DNAH12: variants seen among roughly 807,000 people sequenced by gnomAD.
The protein encoded by DNAH12 is dynein axonemal heavy chain 12.
In DNAH12, 285 loss-of-function variants were observed where a neutral mutation model predicts 371.5. The ratio of observed to expected loss-of-function variants is 0.77; its 90% CI spans 0.70 to 0.85. DNAH12 has a LOEUF of 0.85. Among genes scored for constraint, DNAH12 ranks in the 40% least tolerant of loss-of-function variants. The probability of loss-of-function intolerance (pLI) is 0.00; values close to 1 mark genes in which losing one functional copy is unlikely to be tolerated. For synonymous variants in DNAH12, 1,200 were observed against 1,213.0 expected, an observed-to-expected ratio of 0.99 and a Z score of 0.22; for missense variants, 3,611 against 3,689.4, an observed-to-expected ratio of 0.98 and a Z score of 0.55.
In DNAH12 at chr3:57,436,941, A is replaced by G; in HGVS notation, c.4655+10T>C. 2 of 1,395,946 alleles carry G rather than the reference A, an allele frequency of 1.4e-6. No individual in the cohort carries two copies. The highest frequency in any genetic ancestry group is 9.5e-7 in the Non-Finnish European group (1 of 1,048,618). The allele number at this position is 1,395,946 out of a possible 1,614,324, so 86.5% of individuals were successfully genotyped here. On this transcript the variant is annotated intron_variant, in intron 30 of 73. Transcript: ENST00000495027. ...AAATAACATCTAACTATAGCAATAT[A>G]TAATCTTACCCATGTCTAACAATCA...
intron 11 of DNAH12, among the ~76,000 whole-genome samples, chr3:57,494,634 A>G (rs2067247890): frequency 6.6e-6 from 1 of 152,178 alleles, no homozygotes; most frequent in South Asian, 2.1e-4. Context: ...CAGTGAAATT[A>G]GGCAAGAAAA....
chr3:57,349,347 G>A (rs1553659383), intron 60 of DNAH12, among the ~76,000 whole-genome samples: 1 of 152,146 alleles, frequency 6.6e-6, no homozygotes. Context: ...CGGTGAAAAG[G>A]GTACACTTTT....
At chr3:57,301,598 CAACT>C in intron 70 of DNAH12, 133 bp downstream of exon 70, 1 of 973,918 alleles carries the variant, frequency 1.0e-6, no homozygotes, top group Non-Finnish European at 1.5e-6. Context: ...CCACAGCCAA[CAACT>C]AATATCTCCC....
At chr3:57,371,328 T>C (rs1352476420) in intron 55 of DNAH12, among the ~76,000 whole-genome samples, 2 of 152,150 alleles carry the variant, frequency 1.3e-5, no homozygotes, top group African/African-American at 4.8e-5. Flanking sequence ...TCTTTTAACA[T>C]CTTAACATAT....
At chr3:57,470,132 T>C (rs1408406455) in intron 16 of DNAH12, among the ~76,000 whole-genome samples, 1 of 152,022 alleles carries the variant, frequency 6.6e-6, no homozygotes, top group African/African-American at 2.4e-5. Context: ...ATATTATATA[T>C]ATATATTTTT....
At chr3:57,422,785 A>C (rs1644697125) in intron 35 of DNAH12, among the ~76,000 whole-genome samples, 1 of 152,238 alleles carries the variant, frequency 6.6e-6, no homozygotes, top group Non-Finnish European at 1.5e-5. Flanking sequence ...CACTATTTGT[A>C]ATAGCAAAAG....
At chr3:57,456,525 T>G (rs923383436) in intron 22 of DNAH12, among the ~76,000 whole-genome samples, 2 of 152,222 alleles carry the variant, frequency 1.3e-5, no homozygotes, top group African/African-American at 4.8e-5. Context: ...GTTATCCTTC[T>G]TTCAAATTTA....
intron 60 of DNAH12, among the ~76,000 whole-genome samples, chr3:57,348,011 C>T (rs1324986825): frequency 6.6e-6 from 1 of 152,130 alleles, no homozygotes; most frequent in Non-Finnish European, 1.5e-5. Context: ...CTGTTGCACT[C>T]CTGGTACTTA....
intron 41 of DNAH12, 23 bp downstream of exon 41, chr3:57,405,630 A>G (rs1553680837): frequency 1.9e-6 from 3 of 1,542,730 alleles, no homozygotes; most frequent in East Asian, 2.5e-5. Context: ...TTAACTCAAT[A>G]TGTTCTTAAT....
At position 57,336,479 on chromosome 3, in the gene DNAH12, C is replaced by A. The variant is rs1014175960; in HGVS notation, c.9675-1539G>T. On this transcript the variant is annotated intron_variant, in intron 60 of 73. Coordinates refer to ENST00000495027, the MANE Select transcript of DNAH12 (RefSeq NM_001366028.2). ...AATCTGTTATAGGAATAGAAAAAAA[C>A]CTAAAGATAAAAATATAAAAATTGA... 4.0e-5 allele frequency among the ~76,000 whole-genome samples: 6 copies of A among 151,560 alleles called. No homozygotes were observed. The East Asian group carries it at 5.8e-4, about 15-fold the overall frequency.
At chr3:57,458,335 A>T (rs1436236016) in intron 20 of DNAH12, 115 bp from the exon 21 acceptor site, 3 of 1,272,100 alleles carry the variant, frequency 2.4e-6, no homozygotes, top group Non-Finnish European at 3.1e-6. Context: ...TTATGAAAAA[A>T]TGTCAAAGGT....
chr3:57,309,240 G>T lies in DNAH12; in HGVS notation c.11100C>A (p.Phe3700Leu), dbSNP rs532300604. The T allele has an allele frequency of 1.9e-6, 3 of 1,548,220 alleles. No homozygotes were observed. In the South Asian group the frequency reaches 3.6e-5, roughly 19 times the overall value. Residue 3700 changes from phenylalanine to leucine, a missense_variant, in exon 69 of 74, where the codon TTC becomes TTA. By Grantham distance (22) the Phe-to-Leu change is conservative. Coordinates refer to ENST00000495027, the MANE Select transcript of DNAH12 (RefSeq NM_001366028.2). ...ACTTCCGTAGTGCCATTTCAATGTCGAAATCACTAGGGAGCTAAAAGAATA... is the reference window on the plus strand; with the variant it reads ...ACTTCCGTAGTGCCATTTCAATGTCTAAATCACTAGGGAGCTAAAAGAATA... Reference protein sequence around the residue: ...KDILNKLPSDFDIEMALRKYP... With the variant: ...KDILNKLPSDLDIEMALRKYP...
chr3:57,424,817 G>C (rs1470290328), intron 35 of DNAH12, among the ~76,000 whole-genome samples: 2 of 150,958 alleles, frequency 1.3e-5, no homozygotes, highest in South Asian at 4.2e-4. Flanking sequence ...AGATAGTTTT[G>C]GTTCCTTGTG....
chr3:57,337,674 A>G (rs1347186140), intron 60 of DNAH12, among the ~76,000 whole-genome samples: 2 of 152,004 alleles, frequency 1.3e-5, no homozygotes, highest in South Asian at 2.1e-4. Context: ...AAATATATAT[A>G]TGTGTGTATA....
chr3:57,315,861 AAGAAGGCTCCTGTTGCATCAG>A (rs2061673921), intron 65 of DNAH12, among the ~76,000 whole-genome samples: 1 of 152,188 alleles, frequency 6.6e-6, no homozygotes, highest in African/African-American at 2.4e-5. Flanking sequence ...TCTACAGGCG[AAGAAGGCTCCTGTTGCATCAG>A]AGAAATCTCG....
intron 10 of DNAH12, among the ~76,000 whole-genome samples, chr3:57,501,832 T>C (rs1398408405): frequency 1.3e-5 from 2 of 152,192 alleles, no homozygotes; most frequent in Non-Finnish European, 2.9e-5. Context: ...ATTTCTTCTC[T>C]CTGCCTTTGA....
At chr3:57,415,210 A>G (rs1246789877) in intron 38 of DNAH12, among the ~76,000 whole-genome samples, 1 of 152,068 alleles carries the variant, frequency 6.6e-6, no homozygotes, top group African/African-American at 2.4e-5. Context: ...CAGGCTTAAA[A>G]AAAAAACAGG....
rs2063093406 is a variant in DNAH12, at chr3:57,368,265, A to G, written c.8760-5T>C. On this transcript the variant is annotated splice_region_variant and splice_polypyrimidine_tract_variant and intron_variant, in intron 55 of 73. Transcript: ENST00000495027. ...TGGGGGTCAATCATTAAAGGCCTAGAATATAATAAGAAAAATTCTGAGAGG... is the reference window on the plus strand; with the variant it reads ...TGGGGGTCAATCATTAAAGGCCTAGGATATAATAAGAAAAATTCTGAGAGG... 1.3e-5 allele frequency: 2 copies of G among 152,196 alleles called. No individual in the cohort carries two copies. The highest frequency in any genetic ancestry group is 2.9e-5 in the Non-Finnish European group (2 of 68,034). The allele number at this position is 152,196 out of a possible 1,614,324, so 9.4% of individuals were successfully genotyped here. A position where few individuals can be genotyped will look rare whatever the true frequency, so the allele number is the denominator to read the frequency against.
At chr3:57,356,770 C>G (rs1243882262) in intron 59 of DNAH12, among the ~76,000 whole-genome samples, 4 of 152,014 alleles carry the variant, frequency 2.6e-5, no homozygotes, top group African/African-American at 9.6e-5. Flanking sequence ...AAGACAGTCT[C>G]ACTCTGTTGC....
Sources: allele counts gnomAD v4.1 joint callset (sites outside exome capture counted in the v4.1 genomes callset), GRCh38; gene constraint gnomAD v4.1.1; transcripts MANE v1.5; gene names NCBI Gene and HGNC (gene_info 2026-07-23, HGNC 2026-07-21).